The following CNST variants were observed in gnomAD, a reference collection of about 807,000 sequenced individuals.
CNST encodes the protein consortin.
Under a neutral mutation model 72.4 loss-of-function variants are expected in CNST, and 39 were observed. That is an observed-to-expected ratio of 0.54 (90% confidence interval 0.42 to 0.70). CNST has a LOEUF of 0.70. CNST is among the 30% of genes least tolerant of loss of function. The pLI, the probability that CNST is intolerant of heterozygous loss-of-function variation, is 0.00. For synonymous variants in CNST, 332 were observed against 320.1 expected (o/e 1.04, Z -0.40); for missense variants, 871 against 868.5 (o/e 1.00, Z -0.04).
intron 1 of CNST, among the ~76,000 whole-genome samples, chr1:246,585,587 A>T (rs571681389): frequency 6.9e-6 from 1 of 144,954 alleles, no homozygotes; most frequent in Non-Finnish European, 1.5e-5. Context: ...CAGAGGTTGC[A>T]GTGAGCCAAG....
chr1:246,578,158 G>A (rs1660550317), intron 1 of CNST, among the ~76,000 whole-genome samples: 1 of 152,028 alleles, frequency 6.6e-6, no homozygotes, highest in Non-Finnish European at 1.5e-5. Flanking sequence ...GAAGTAATGG[G>A]CACATTCTCC....
chr1:246,622,340 G>C (rs890541080), intron 3 of CNST, among the ~76,000 whole-genome samples: 4 of 152,212 alleles, frequency 2.6e-5, no homozygotes, highest in African/African-American at 9.7e-5. Context: ...GTGGAATTTT[G>C]TGTTCAGTGT....
At chr1:246,622,438 G>A (rs1188369227) in intron 3 of CNST, among the ~76,000 whole-genome samples, 1 of 152,208 alleles carries the variant, frequency 6.6e-6, no homozygotes, top group Non-Finnish European at 1.5e-5. Context: ...GGCGACTCTT[G>A]AGCTGGGTTT....
intron 1 of CNST, among the ~76,000 whole-genome samples, chr1:246,567,096 TC>T (rs1659756473): frequency 6.7e-6 from 1 of 148,178 alleles, no homozygotes; most frequent in African/African-American, 2.5e-5. Flanking sequence ...GCGTGGTGTC[TC>T]CCTTCCATTC....
chr1:246,634,948 C>T (rs757521924), intron 6 of CNST, among the ~76,000 whole-genome samples: 4 of 151,876 alleles, frequency 2.6e-5, no homozygotes, highest in Admixed American at 1.3e-4. Context: ...TGTCTATCCT[C>T]GGTGGTGCGT....
At chr1:246,621,785 A>C in intron 3 of CNST, 151 bp downstream of exon 3, 3 of 691,780 alleles carry the variant, frequency 4.3e-6, no homozygotes, top group Non-Finnish European at 7.6e-6. Context: ...GCTTGAGCTC[A>C]GGAGTTCAAG....
At chr1:246,576,128 TGGA>T (rs1660393450) in intron 1 of CNST, among the ~76,000 whole-genome samples, 1 of 140,972 alleles carries the variant, frequency 7.1e-6, no homozygotes, top group Admixed American at 7.2e-5. Flanking sequence ...CCAGATACTC[TGGA>T]GGCTGAGGCA....
At chr1:246,626,373 C>T (rs958546926) in intron 3 of CNST, among the ~76,000 whole-genome samples, 3 of 150,658 alleles carry the variant, frequency 2.0e-5, no homozygotes, top group African/African-American at 4.9e-5. Flanking sequence ...CACTGGGATG[C>T]GTCAGAGTTC....
At chr1:246,590,034 G>A (rs1456017340) in intron 1 of CNST, among the ~76,000 whole-genome samples, 2 of 152,036 alleles carry the variant, frequency 1.3e-5, no homozygotes, top group Non-Finnish European at 2.9e-5. Context: ...CAGATGAGTA[G>A]GTTGCAAAAA....
intron 2 of CNST, among the ~76,000 whole-genome samples, chr1:246,616,537 A>C (rs547606799): frequency 2.0e-5 from 3 of 152,008 alleles, no homozygotes; most frequent in African/African-American, 7.2e-5. Context: ...CAGCCTGAGC[A>C]ACAGAATGAG....
chr1:246,616,744 G>C (rs913422156), intron 2 of CNST, among the ~76,000 whole-genome samples: 7 of 151,892 alleles, frequency 4.6e-5, no homozygotes, highest in African/African-American at 1.7e-4. Context: ...TAGTAGACAC[G>C]GGGTTTTACA....
chr1:246,612,796 G>C (rs1158066481), intron 2 of CNST, among the ~76,000 whole-genome samples: 1 of 151,992 alleles, frequency 6.6e-6, no homozygotes, highest in African/African-American at 2.4e-5. Context: ...GCAGTGGGAG[G>C]ATCACTTGAA....
At chr1:246,606,867 G>A (rs565125347) in intron 2 of CNST, 2 of 152,196 alleles carry the variant, frequency 1.3e-5, no homozygotes, top group East Asian at 3.9e-4. Context: ...CCGTGAGCAA[G>A]CCTGGGTTCC....
intron 3 of CNST, 26 bp from the exon 4 acceptor site, chr1:246,631,866 TTC>T: frequency 1.4e-6 from 2 of 1,403,534 alleles, no homozygotes; most frequent in Middle Eastern, 1.8e-4. Flanking sequence ...TAATTTAATT[TTC>T]TCTGTGTTTT....
At chr1:246,569,177 A>G (rs1659907030) in intron 1 of CNST, among the ~76,000 whole-genome samples, 3 of 152,220 alleles carry the variant, frequency 2.0e-5, no homozygotes, top group Admixed American at 6.5e-5. Flanking sequence ...AAAATTTTCT[A>G]GTAGTGGTAT....
chr1:246,570,592 G>C (rs1660009866), intron 1 of CNST, among the ~76,000 whole-genome samples: 1 of 152,180 alleles, frequency 6.6e-6, no homozygotes, highest in African/African-American at 2.4e-5. Context: ...AGGGACTATG[G>C]GGAGTGTTAG....
At chr1:246,653,570 A>C (rs1666609949) in intron 9 of CNST, among the ~76,000 whole-genome samples, 1 of 152,200 alleles carries the variant, frequency 6.6e-6, no homozygotes, top group African/African-American at 2.4e-5. Context: ...ATTTATGTAG[A>C]TATCTAAAGA....
chr1:246,611,800 T>C (rs982910197), intron 2 of CNST, among the ~76,000 whole-genome samples: 9 of 152,188 alleles, frequency 5.9e-5, no homozygotes, highest in African/African-American at 2.2e-4. Context: ...GCAGCATTAT[T>C]CACAGTAGCA....
At chr1:246,591,965 C>G in intron 2 of CNST, 24 bp downstream of exon 2, 1 of 1,553,698 alleles carries the variant, frequency 6.4e-7, no homozygotes, top group Non-Finnish European at 8.7e-7. Flanking sequence ...TAGTATTTAT[C>G]CTCTTCTTTA....
Sources: allele counts gnomAD v4.1 joint callset (sites outside exome capture counted in the v4.1 genomes callset), GRCh38; gene constraint gnomAD v4.1.1; transcripts MANE v1.5; gene names NCBI Gene and HGNC (gene_info 2026-07-23, HGNC 2026-07-21).